The following POLR3D variants were observed in gnomAD, a reference collection of about 807,000 sequenced individuals.
POLR3D encodes DNA-directed RNA polymerase III subunit RPC4.
In POLR3D, 42 loss-of-function variants were observed where a neutral mutation model predicts 44.5. The ratio of observed to expected loss-of-function variants is 0.94; its 90% CI spans 0.74 to 1.22. The LOEUF is 1.22. Ranked by LOEUF, POLR3D falls within the 50% of genes most tolerant of loss-of-function variation. The pLI, the probability that POLR3D is intolerant of heterozygous loss-of-function variation, is 0.00. For synonymous variants in POLR3D, 217 were observed against 198.1 expected (o/e 1.10, Z -0.80); for missense variants, 507 against 505.2 (o/e 1.00, Z -0.03).
chr8:22,247,675 A>G (rs982495389), intron 3 of POLR3D, among the ~76,000 whole-genome samples, 182 bp from the exon 4 acceptor site: 3 of 152,220 alleles, frequency 2.0e-5, no homozygotes, highest in African/African-American at 7.2e-5. Flanking sequence ...GCAAACTGAA[A>G]AAATCCTGCC....
At chr8:22,248,770 C>T in intron 6 of POLR3D, 121 bp downstream of exon 6, 1 of 992,452 alleles carries the variant, frequency 1.0e-6, no homozygotes, top group Non-Finnish European at 1.5e-6. Context: ...CCCATTCCGG[C>T]TGTAAGATAC....
Position 22,247,759 on chromosome 8 carries a change from C to T in POLR3D, c.210-98C>T. 5.2e-6 allele frequency: 6 copies of T among 1,144,302 alleles called. No individual in the cohort carries two copies. The South Asian group carries it at 9.2e-5, about 18-fold the overall frequency. The allele number at this position is 1,144,302 out of a possible 1,614,324, so 70.9% of individuals were successfully genotyped here. A position where few individuals can be genotyped will look rare whatever the true frequency, so the allele number is the denominator to read the frequency against. ...CTCATGGTGTAAATATTGGCTCAAA[C>T]TCTCCACTGTTTTGGAGTGAAGTGG... is the stretch of plus-strand genomic sequence containing the variant. On this transcript the variant is annotated intron_variant, in intron 3 of 8. Coordinates refer to ENST00000306433, the MANE Select transcript of POLR3D (RefSeq NM_001722.3).
At chr8:22,248,791 C>T (rs532229203) in intron 6 of POLR3D, 142 bp downstream of exon 6, 6 of 900,672 alleles carry the variant, frequency 6.7e-6, no homozygotes, top group Non-Finnish European at 1.0e-5. Flanking sequence ...ATGAGCTGAA[C>T]AAAGATGCTC....
intron 5 of POLR3D, 21 bp from the exon 6 acceptor site, chr8:22,248,460 G>A: frequency 1.9e-6 from 3 of 1,610,952 alleles, no homozygotes; most frequent in Non-Finnish European, 2.5e-6. Flanking sequence ...CAGGCTGGAT[G>A]ACCCAGACTC....
In POLR3D at chr8:22,250,212, C is replaced by G; in HGVS notation, c.1059C>G (p.Ala353=). ...CTCTGGACGTGACCATGGGAACTGC[C>G]TGCTCCTTCCTGCAGGTAAGAGCCT... The part of the protein sequence containing the change: ...KVTLDVTMGT[A]CSFLQELVSV... The change falls in exon 8 of 9, where the codon GCC becomes GCG. Residue 353 remains alanine, a synonymous_variant. Coordinates refer to ENST00000306433, the MANE Select transcript of POLR3D (RefSeq NM_001722.3). 6.2e-7 allele frequency: 1 copy of G among 1,614,160 alleles called. No homozygotes were observed. The highest frequency in any genetic ancestry group is 8.5e-7 in the Non-Finnish European group (1 of 1,180,016).
intron 2 of POLR3D, among the ~76,000 whole-genome samples, 191 bp downstream of exon 2, chr8:22,245,805 C>T (rs74425746): frequency 6.6e-6 from 1 of 152,308 alleles, no homozygotes; most frequent in East Asian, 1.9e-4. Context: ...GTTGAAATGA[C>T]TCCCAGAGGT....
At chr8:22,246,160 C>T (rs1020126394) in intron 2 of POLR3D, among the ~76,000 whole-genome samples, 6 of 152,180 alleles carry the variant, frequency 3.9e-5, no homozygotes, top group South Asian at 2.1e-4. Context: ...GAAGTCTCGC[C>T]GTTGTCCCCC....
intron 2 of POLR3D, among the ~76,000 whole-genome samples, chr8:22,246,372 C>G (rs1320879525): frequency 6.6e-6 from 1 of 151,974 alleles, no homozygotes; most frequent in Non-Finnish European, 1.5e-5. Context: ...GTGATCCGCC[C>G]GCCTGCCTCG....
Position 22,250,430 on chromosome 8 carries a change from CAG to C in POLR3D, c.1110_1111del (p.Glu372AspfsTer16), listed in dbSNP as rs1438854498. 5 of 1,614,026 alleles carry C rather than the reference CAG, an allele frequency of 3.1e-6. No homozygotes were observed. The highest frequency in any genetic ancestry group is 1.3e-5 in the African/African-American group (1 of 74,912). ...TCCGTGGGCCTTGGAGACAGTAGGA[CAG>C]GGGAGATGACAGTCCTGGGACACGT... On this transcript the variant is annotated frameshift_variant, in exon 9 of 9. Transcript: ENST00000306433. LOFTEE classifies it high-confidence loss of function.
intron 2 of POLR3D, among the ~76,000 whole-genome samples, chr8:22,246,595 G>A (rs1412596440): frequency 1.3e-5 from 2 of 152,100 alleles, no homozygotes; most frequent in African/African-American, 2.4e-5. Context: ...ACAGGGGCCC[G>A]CCACCGCGCC....
At chr8:22,245,668 A>T in intron 2 of POLR3D, 54 bp downstream of exon 2, 1 of 1,174,402 alleles carries the variant, frequency 8.5e-7, no homozygotes, top group Non-Finnish European at 1.1e-6. Flanking sequence ...TCCAAGCCCC[A>T]GGATTCAACT....
chr8:22,248,189 G>A lies in POLR3D; in HGVS notation c.397G>A (p.Gly133Arg). ...TAAGACAGTGGATGTGTCAGACATG[G>A]GACCTTCTCATATCATCAACATCAA... ...WDKTVDVSDM[G>R]PSHIINIKKE... The change falls in exon 5 of 9, where the codon GGA (glycine) becomes AGA (arginine). Residue 133 changes from glycine (G) to arginine (R), a missense_variant. Coordinates refer to ENST00000306433, the MANE Select transcript of POLR3D (RefSeq NM_001722.3). 6.2e-7 allele frequency: 1 copy of A among 1,614,112 alleles called. No individual in the cohort carries two copies. The highest frequency in any genetic ancestry group is 8.5e-7 in the Non-Finnish European group (1 of 1,180,004).
chr8:22,250,044 C>G, intron 7 of POLR3D, 31 bp from the exon 8 acceptor site: 1 of 1,612,258 alleles, frequency 6.2e-7, no homozygotes, highest in South Asian at 1.1e-5. Flanking sequence ...GAGCTCCTAG[C>G]CCAGTGTCCA....
At chr8:22,247,093 T>C in intron 2 of POLR3D, 128 bp from the exon 3 acceptor site, 1 of 676,506 alleles carries the variant, frequency 1.5e-6, no homozygotes, top group South Asian at 1.9e-5. Context: ...CTGACAGCAC[T>C]GTGGAATGTG....
Position 22,250,124 on chromosome 8 carries a change from G to C in POLR3D, c.971G>C (p.Gly324Ala). 1 of 1,614,160 alleles carries C rather than the reference G, an allele frequency of 6.2e-7. No homozygotes were observed. Among genetic ancestry groups the C allele is most frequent in the African/African-American group, 1.3e-5 (1 of 75,028 alleles). ...NACTLADLTE[G>A]QVGKLLIRKS... ...TGTACCCTGGCTGACCTGACAGAGG[G>C]TCAGGTTGGCAAGCTACTCATCCGC... is the stretch of plus-strand genomic sequence containing the variant. Residue 324 changes from glycine to alanine, a missense_variant, in exon 8 of 9, where the codon GGT becomes GCT. By Grantham distance (60) the Gly-to-Ala change is moderately conservative (BLOSUM62 0). Transcript: ENST00000306433.
Position 22,249,321 on chromosome 8 carries a change from C to T in POLR3D, c.921+12C>T, listed in dbSNP as rs1830076819. 1 of 1,611,112 alleles carries T rather than the reference C, an allele frequency of 6.2e-7. No individual in the cohort carries two copies. The highest frequency in any genetic ancestry group is 1.3e-5 in the African/African-American group (1 of 74,936). Reference sequence around the variant, plus strand: ...AGGAGAAAGACCGAGTACGCTCAGACAGAGGCCTGCGGGAATCAAGTCGGG... The same window carrying T: ...AGGAGAAAGACCGAGTACGCTCAGATAGAGGCCTGCGGGAATCAAGTCGGG... On this transcript the variant is annotated intron_variant, in intron 7 of 8. Transcript: ENST00000306433.
At position 22,252,479 on chromosome 8, in the gene POLR3D, T is replaced by C. The variant is rs753209781; in HGVS notation, c.*1961T>C. ...TTCCAAGAAAGTTTGAGGAAGAACA[T>C]GTACTGCTTTCACGTTCATTTCGCC... On this transcript the variant is annotated 3_prime_UTR_variant, in exon 9 of 9. Coordinates refer to ENST00000306433, the MANE Select transcript of POLR3D (RefSeq NM_001722.3). The C allele has an allele frequency of 6.6e-6, 1 of 152,272 alleles. No homozygotes were observed. Among genetic ancestry groups the C allele is most frequent in the African/African-American group, 2.4e-5 (1 of 41,474 alleles). The allele number at this position is 152,272 out of a possible 1,614,324, so 9.4% of individuals were successfully genotyped here.
Position 22,248,387 on chromosome 8 carries a change from G to C in POLR3D, c.487-94G>C. The C allele has an allele frequency of 5.1e-6, 8 of 1,572,048 alleles. No homozygotes were observed. The Admixed American group carries it at 1.2e-4, about 24-fold the overall frequency. ...CTTACTGATGTCCTGGAATCCTGGGGAGCAGCGGAATCTTTGGTTAGAAAG... is the reference window on the plus strand; with the variant it reads ...CTTACTGATGTCCTGGAATCCTGGGCAGCAGCGGAATCTTTGGTTAGAAAG... On this transcript the variant is annotated intron_variant, in intron 5 of 8. Coordinates refer to ENST00000306433, the MANE Select transcript of POLR3D (RefSeq NM_001722.3).
chr8:22,245,358 TG>T, intron 1 of POLR3D, 86 bp from the exon 2 acceptor site: 2 of 1,018,302 alleles, frequency 2.0e-6, no homozygotes, highest in Non-Finnish European at 1.3e-6. Context: ...ACGCACCGAC[TG>T]GGGGACCGGA....
Sources: gnomAD v4.1 joint callset for allele counts (sites outside exome capture counted in the v4.1 genomes callset) on GRCh38, gnomAD v4.1.1 for gene constraint, MANE v1.5 for transcripts, NCBI Gene and HGNC (gene_info 2026-07-23, HGNC 2026-07-21) for gene names.